The following GM2A variants were observed in gnomAD, a reference collection of about 807,000 sequenced individuals.
The protein encoded by GM2A is ganglioside GM2 activator.
In GM2A, 7 loss-of-function variants were observed where a neutral mutation model predicts 12.9. That is an observed-to-expected ratio of 0.54 (90% confidence interval 0.31 to 1.02). GM2A has a LOEUF of 1.02. GM2A is among the 50% of genes least tolerant of loss of function. The pLI, the probability that GM2A is intolerant of heterozygous loss-of-function variation, is 0.05. For synonymous variants in GM2A, 101 were observed against 96.0 expected (o/e 1.05, Z -0.30); for missense variants, 246 against 241.0 (o/e 1.02, Z -0.14).
chr5:151,259,990 G>A, intron 2 of GM2A, 74 bp downstream of exon 2: 1 of 1,127,168 alleles, frequency 8.9e-7, no homozygotes, highest in Non-Finnish European at 1.3e-6. Context: ...ATGTATGCTT[G>A]GGGAACTGTG....
intron 1 of GM2A, among the ~76,000 whole-genome samples, chr5:151,257,719 A>G (rs1228002443): frequency 6.6e-6 from 1 of 152,118 alleles, no homozygotes; most frequent in African/African-American, 2.4e-5. Flanking sequence ...CATCTACTAC[A>G]TTTAGCCCAT....
rs1275722579 is a variant in GM2A, at chr5:151,269,370, G to A, written c.*1919G>A. The A allele has an allele frequency of 1.0e-6, 1 of 985,300 alleles. No homozygotes were observed. Among genetic ancestry groups the A allele is most frequent in the African/African-American group, 1.7e-5 (1 of 57,224 alleles). 61.0% of individuals were successfully genotyped at this position (985,300 alleles called of 1,614,324 possible). A position where few individuals can be genotyped will look rare whatever the true frequency, so the allele number is the denominator to read the frequency against. On this transcript the variant is annotated 3_prime_UTR_variant, in exon 4 of 4. Transcript: ENST00000357164. ...GTACAGGTGAGCCGAGGTGATTCCA[G>A]GGACGGACCCTTCTGCAGGAGCTTG...
rs971793059 is a variant in GM2A at position 151,269,092 on chromosome 5, G to A, written c.*1641G>A. On this transcript the variant is annotated 3_prime_UTR_variant, in exon 4 of 4. Coordinates refer to ENST00000357164, the MANE Select transcript of GM2A (RefSeq NM_000405.5). ...ACCAGCAGCTGCTTTTGGAGCAGGG[G>A]TCCAAGGAAGAGAGGGTGGCCTCGA... The A allele has an allele frequency of 6.1e-6, 6 of 985,372 alleles. No homozygotes were observed. In the African/African-American group the frequency reaches 1.0e-4, roughly 17 times the overall value. The allele number at this position is 985,372 out of a possible 1,614,324, so 61.0% of individuals were successfully genotyped here. A position where few individuals can be genotyped will look rare whatever the true frequency, so the allele number is the denominator to read the frequency against.
Position 151,269,497 on chromosome 5 carries a change from C to A in GM2A, c.*2046C>A. 7 of 945,522 alleles carry A rather than the reference C, an allele frequency of 7.4e-6. No individual in the cohort carries two copies. Among genetic ancestry groups the A allele is most frequent in the Non-Finnish European group, 7.6e-6 (6 of 793,590 alleles). 58.6% of individuals were successfully genotyped at this position (945,522 alleles called of 1,614,324 possible). On this transcript the variant is annotated 3_prime_UTR_variant, in exon 4 of 4. Transcript: ENST00000357164. Reference sequence around the variant, plus strand: ...CGGAGAGCAAAAATCACCTAGTGACCATTGAACAGGTCCCAGAGACAAAAT... The same window carrying A: ...CGGAGAGCAAAAATCACCTAGTGACAATTGAACAGGTCCCAGAGACAAAAT...
At chr5:151,267,210 C>T in intron 3 of GM2A, 86 bp from the exon 4 acceptor site, 1 of 1,567,954 alleles carries the variant, frequency 6.4e-7, no homozygotes, top group Non-Finnish European at 8.7e-7. Context: ...GGTGGTAGTT[C>T]ATGGCTGCAA....
chr5:151,267,118 G>T (rs886656961), intron 3 of GM2A, 178 bp from the exon 4 acceptor site: 7 of 888,268 alleles, frequency 7.9e-6, no homozygotes, highest in Non-Finnish European at 1.1e-5. Flanking sequence ...GATCTTCAGG[G>T]CCCTTTATCC....
At chr5:151,255,022 C>G (rs1380962369) in intron 1 of GM2A, among the ~76,000 whole-genome samples, 2 of 152,086 alleles carry the variant, frequency 1.3e-5, no homozygotes, top group African/African-American at 4.8e-5. Context: ...AAACCCAAGA[C>G]CAGGTGCGGT....
chr5:151,265,913 T>A lies in GM2A; in HGVS notation c.244-818T>A, dbSNP rs375183793. Among the ~76,000 whole-genome samples the A allele has an allele frequency of 2.1e-3, 319 of 152,330 alleles. 1 individual carries two copies. The highest frequency in any genetic ancestry group is 7.2e-3 in the African/African-American group (301 of 41,570). ...TATACCAGTCTCAAGGTGATCTTTC[T>A]ATACATTCCTATTGTTCTTAATTCT... On this transcript the variant is annotated intron_variant, in intron 2 of 3. Transcript: ENST00000357164.
At chr5:151,260,346 G>T (rs1753772358) in intron 2 of GM2A, among the ~76,000 whole-genome samples, 1 of 152,184 alleles carries the variant, frequency 6.6e-6, no homozygotes, top group African/African-American at 2.4e-5. Flanking sequence ...GGCCAGGTGT[G>T]GTGGCTCATG....
chr5:151,257,358 A>C (rs1753708738), intron 1 of GM2A, among the ~76,000 whole-genome samples: 1 of 152,000 alleles, frequency 6.6e-6, no homozygotes, highest in African/African-American at 2.4e-5. Context: ...CTGGGGAAAG[A>C]AGAGCTTAGG....
At chr5:151,259,505 G>T (rs1473306613) in intron 1 of GM2A, among the ~76,000 whole-genome samples, 1 of 152,112 alleles carries the variant, frequency 6.6e-6, no homozygotes, top group Non-Finnish European at 1.5e-5. Flanking sequence ...ATCATATCCT[G>T]CCTTATAGTT....
At chr5:151,255,496 C>CT (rs1263462559) in intron 1 of GM2A, among the ~76,000 whole-genome samples, 1 of 152,072 alleles carries the variant, frequency 6.6e-6, no homozygotes, top group East Asian at 1.9e-4. Context: ...AGCAGGGAGG[C>CT]TTGGCTTCTG....
intron 1 of GM2A, 75 bp downstream of exon 1, chr5:151,253,372 AT>A: frequency 9.5e-7 from 1 of 1,052,856 alleles, no homozygotes. Context: ...TGGCTGAGAT[AT>A]GGGGGTGGCC....
chr5:151,261,870 G>A (rs1753805524), intron 2 of GM2A, among the ~76,000 whole-genome samples: 1 of 152,224 alleles, frequency 6.6e-6, no homozygotes, highest in Non-Finnish European at 1.5e-5. Flanking sequence ...CACTGTACCT[G>A]GCCAGAGGGT....
In GM2A at chr5:151,267,320, G is replaced by T. The variant is rs747270491; in HGVS notation, c.451G>T (p.Glu151Ter). 34 of 1,614,028 alleles carry T rather than the reference G, an allele frequency of 2.1e-5. No homozygotes were observed. The highest frequency in any genetic ancestry group is 4.0e-5 in the African/African-American group (3 of 74,932). Residue 151 changes from glutamate to a stop codon, truncating the protein, a stop_gained, in exon 4 of 4, where the codon GAA becomes TAA. Coordinates refer to ENST00000357164, the MANE Select transcript of GM2A (RefSeq NM_000405.5). LOFTEE classifies it low-confidence loss of function (END_TRUNC). ...KEGTYSLPKSEFVVPDLELPS... is the reference protein window; with the variant it reads ...KEGTYSLPKS ...GGGAACCTACTCACTGCCCAAGAGC[G>T]AATTCGTTGTGCCTGACCTGGAGCT...
chr5:151,265,874 C>T (rs532571785), intron 2 of GM2A, among the ~76,000 whole-genome samples: 1 of 152,316 alleles, frequency 6.6e-6, no homozygotes, highest in East Asian at 1.9e-4. Context: ...TCTGTTGTAA[C>T]CTAGCTATGA....
intron 3 of GM2A, 112 bp from the exon 4 acceptor site, chr5:151,267,184 T>G: frequency 2.9e-6 from 4 of 1,391,898 alleles, no homozygotes; most frequent in Non-Finnish European, 4.0e-6. Flanking sequence ...GCGGCTGTTT[T>G]GAGAATGGGA....
chr5:151,253,756 T>C (rs1753634703), intron 1 of GM2A, among the ~76,000 whole-genome samples: 1 of 152,112 alleles, frequency 6.6e-6, no homozygotes, highest in African/African-American at 2.4e-5. Flanking sequence ...GGATCCAGAT[T>C]TGCCCATCTG....
chr5:151,267,434 T>C lies in GM2A; in HGVS notation c.565T>C (p.Ser189Pro), dbSNP rs762858957. 8 of 1,613,914 alleles carry C rather than the reference T, an allele frequency of 5.0e-6. No individual in the cohort carries two copies. The Admixed American group carries it at 1.0e-4, about 20-fold the overall frequency. Reference protein sequence around the residue: ...KRLGCIKIAASLKGI With the variant: ...KRLGCIKIAAPLKGI ...TCTGGGCTGCATCAAGATCGCTGCC[T>C]CTCTAAAGGGCATATAACATGGCAT... Residue 189 changes from serine (S) to proline (P), a missense_variant, in exon 4 of 4, where the codon TCT becomes CCT. Coordinates refer to ENST00000357164, the MANE Select transcript of GM2A (RefSeq NM_000405.5).
Sources: allele counts gnomAD v4.1 joint callset (sites outside exome capture counted in the v4.1 genomes callset), GRCh38; gene constraint gnomAD v4.1.1; transcripts MANE v1.5; gene names NCBI Gene and HGNC (gene_info 2026-07-23, HGNC 2026-07-21).